Variants in RNF17 observed in about 807,000 individuals in gnomAD.
RNF17 encodes spermatogenesis associated 23.
RNF17 carries 31 observed loss-of-function variants against 200.5 expected under a neutral mutation model. The observed-to-expected ratio is 0.15, with a 90% confidence interval of 0.12 to 0.21. RNF17 has a LOEUF of 0.21. RNF17 is among the 10% of genes least tolerant of loss of function. The pLI is 1.00. For synonymous variants in RNF17, 606 were observed against 637.8 expected, an observed-to-expected ratio of 0.95 and a Z score of 0.75; for missense variants, 1,628 against 1,905.1, an observed-to-expected ratio of 0.85 and a Z score of 2.71.
intron 25 of RNF17, among the ~76,000 whole-genome samples, chr13:24,857,428 C>A (rs2018248): frequency 0.55 from 82,865 of 151,884 alleles, 22,868 homozygotes; most frequent in Admixed American, 0.62. Flanking sequence ...GCAATATGAA[C>A]CCGGTTTCTA....
rs1050254105 is a variant in RNF17 at position 24,789,364 on chromosome 13, A to C, written c.800A>C (p.Gln267Pro). 2.5e-6 allele frequency: 4 copies of C among 1,599,936 alleles called. No homozygotes were observed. In the African/African-American group the frequency reaches 5.4e-5, roughly 21 times the overall value. Residue 267 changes from glutamine to proline, a missense_variant, in exon 8 of 36, where the codon CAG becomes CCG. Around this residue, in one of 5 missense-constraint regions of RNF17, gnomAD observed 502 missense variants for 501.7 expected, o/e 1.00. Coordinates refer to ENST00000255324, the MANE Select transcript of RNF17 (RefSeq NM_031277.3). ...AAATTCTAGATTATCCGGACTTTGC[A>C]GTTAACTTCAGATAGTGAATTAGCA... Reference protein sequence around the residue: ...CDLNQIIRTLQLTSDSELAQV... With the variant: ...CDLNQIIRTLPLTSDSELAQV...
At chr13:24,855,406 G>A (rs1242260701) in intron 25 of RNF17, among the ~76,000 whole-genome samples, 3 of 152,010 alleles carry the variant, frequency 2.0e-5, no homozygotes, top group Non-Finnish European at 4.4e-5. Context: ...GAGGTGGGTG[G>A]ATCACAAGGT....
chr13:24,748,617 T>C, the RNF17 span, among the ~76,000 whole-genome samples: 93 of 152,340 alleles, frequency 6.1e-4, no homozygotes, highest in Admixed American at 1.5e-3. Context: ...GAGACTGAAA[T>C]GTCTATGTGG....
chr13:24,754,916 G>T, the RNF17 span, among the ~76,000 whole-genome samples: 1 of 150,658 alleles, frequency 6.6e-6, no homozygotes, highest in Non-Finnish European at 1.5e-5. Context: ...AAAAAAGATT[G>T]CATTATTCAA....
chr13:24,877,140 C>G lies in RNF17; in HGVS notation c.4727C>G (p.Ala1576Gly). ...AAATGGAGCATGGAGGCACTGTGGGCTATGATAGACTGTCTTCAAGGAAAA... is the reference window on the plus strand; with the variant it reads ...AAATGGAGCATGGAGGCACTGTGGGGTATGATAGACTGTCTTCAAGGAAAA... ...CPKWSMEALW[A>G]MIDCLQGKQL... Residue 1576 changes from alanine to glycine, a missense_variant, in exon 34 of 36, where the codon GCT (alanine) becomes GGT (glycine). By Grantham distance (60) the Ala-to-Gly change is moderately conservative (BLOSUM62 0). Coordinates refer to ENST00000255324, the MANE Select transcript of RNF17 (RefSeq NM_031277.3). 1 of 1,613,372 alleles carries G rather than the reference C, an allele frequency of 6.2e-7. No individual in the cohort carries two copies.
intron 6 of RNF17, among the ~76,000 whole-genome samples, chr13:24,782,781 A>G (rs1322403911): frequency 6.6e-6 from 1 of 152,206 alleles, no homozygotes; most frequent in Admixed American, 6.5e-5. Context: ...ATTGGGTTAT[A>G]GCAATTCTTT....
chr13:24,812,679 A>T lies in RNF17; in HGVS notation c.2091+8250A>T, dbSNP rs8001694. The stretch of plus-strand genomic sequence containing the variant: ...TCTTGGCTCCTCCCCTCCCCGCCCC[A>T]CCCCCTTTTTTTTTTTTTTTGAGAC... On this transcript the variant is annotated intron_variant, in intron 15 of 35. Transcript: ENST00000255324. Among the ~76,000 whole-genome samples the T allele has an allele frequency of 3.2e-4, 14 of 44,366 alleles. 3 individuals carry two copies. Among genetic ancestry groups the T allele is most frequent in the African/African-American group, 9.1e-4 (12 of 13,254 alleles). 29.1% of individuals were successfully genotyped at this position (44,366 alleles called of 152,430 possible). A position where few individuals can be genotyped will look rare whatever the true frequency, so the allele number is the denominator to read the frequency against.
intron 2 of RNF17, among the ~76,000 whole-genome samples, chr13:24,769,052 G>A (rs1043955162): frequency 1.5e-4 from 21 of 138,786 alleles, no homozygotes; most frequent in Admixed American, 3.1e-4. Flanking sequence ...TGGGTAAGAC[G>A]AAGTGAGCCC....
chr13:24,761,999 T>C (rs80027607), upstream of RNF17, among the ~76,000 whole-genome samples: 465 of 152,270 alleles, frequency 3.1e-3, 8 homozygotes, highest in East Asian at 0.056. Flanking sequence ...TGCTACATGC[T>C]AGAATAGCAT....
intron 31 of RNF17, 108 bp from the exon 32 acceptor site, chr13:24,870,463 G>T (rs1475052886): frequency 2.4e-6 from 2 of 834,638 alleles, no homozygotes; most frequent in Non-Finnish European, 3.9e-6. Context: ...AGGTGTAGGG[G>T]TCTCTGGGAG....
chr13:24,854,626 T>C (rs180892003), intron 25 of RNF17, among the ~76,000 whole-genome samples: 31 of 152,224 alleles, frequency 2.0e-4, no homozygotes, highest in African/African-American at 7.2e-4. Context: ...GCAACTGTGA[T>C]AACTACATGA....
chr13:24,790,957 G>A (rs989360902), intron 9 of RNF17, among the ~76,000 whole-genome samples: 12 of 152,044 alleles, frequency 7.9e-5, no homozygotes, highest in African/African-American at 2.9e-4. Flanking sequence ...CACCACAATG[G>A]GAATTAAGTT....
chr13:24,793,750 A>T (rs1040051010), intron 10 of RNF17, among the ~76,000 whole-genome samples: 18 of 152,170 alleles, frequency 1.2e-4, no homozygotes, highest in African/African-American at 4.3e-4. Flanking sequence ...CATGATTACA[A>T]TGTTATCTAT....
Position 24,843,539 on chromosome 13 carries a change from A to ATT in RNF17, c.2604-204_2604-203dup, listed in dbSNP as rs546706841. Among the ~76,000 whole-genome samples, 8 of 152,140 alleles carry ATT rather than the reference A, an allele frequency of 5.3e-5. No individual in the cohort carries two copies. The South Asian group carries it at 1.7e-3, about 32-fold the overall frequency. ...TTTAAAAAAAAAAAATTTTTTTTGG[A>ATT]TTGAATCTTCTCCTTTCTTTTTAAA... On this transcript the variant is annotated intron_variant, in intron 19 of 35. Transcript: ENST00000255324.
At chr13:24,844,938 A>G (rs1490779122) in intron 21 of RNF17, 23 bp from the exon 22 acceptor site, 4 of 1,561,772 alleles carry the variant, frequency 2.6e-6, no homozygotes, top group Non-Finnish European at 3.5e-6. Flanking sequence ...TTGTCTGTAG[A>G]CTTAAAGTTA....
chr13:24,842,527 T>G (rs905048270), intron 19 of RNF17, among the ~76,000 whole-genome samples: 10 of 152,220 alleles, frequency 6.6e-5, no homozygotes, highest in African/African-American at 2.4e-4. Context: ...AGCTTACATT[T>G]CCATTTGTAG....
the RNF17 span, chr13:24,885,508 CT>C: frequency 8.4e-7 from 1 of 1,196,934 alleles, no homozygotes; most frequent in Non-Finnish European, 1.2e-6. Flanking sequence ...AGTAAAAACT[CT>C]TTTTTACACG....
At chr13:24,768,308 G>A (rs1383486578) in intron 2 of RNF17, among the ~76,000 whole-genome samples, 2 of 121,630 alleles carry the variant, frequency 1.6e-5, no homozygotes, top group African/African-American at 3.1e-5. Flanking sequence ...TTTTTGAGAC[G>A]GAGTCTCACT....
chr13:24,795,749 C>CT (rs1488043503), intron 10 of RNF17, among the ~76,000 whole-genome samples: 1 of 152,036 alleles, frequency 6.6e-6, no homozygotes, highest in African/African-American at 2.4e-5. Context: ...GTAGGTTATC[C>CT]TAGAAACCTA....
Sources: gnomAD v4.1 joint callset for allele counts (sites outside exome capture counted in the v4.1 genomes callset) on GRCh38, gnomAD v4.1.1 for gene constraint, gnomAD v4.1.1 regional missense constraint, MANE v1.5 for transcripts, NCBI Gene and HGNC (gene_info 2026-07-23, HGNC 2026-07-21) for gene names.